Variants in ANKS3 observed in about 807,000 individuals in gnomAD.
ANKS3 encodes ankyrin repeat and sterile alpha motif domain containing 3.
In ANKS3, 62 loss-of-function variants were observed where a neutral mutation model predicts 80.7. The observed-to-expected ratio is 0.77, with a 90% CI of 0.63 to 0.95. The LOEUF (loss-of-function observed/expected upper bound fraction) is 0.95. Ranked by LOEUF, ANKS3 falls within the 40% of genes least tolerant of loss-of-function variation. ANKS3 has a pLI of 0.00. For synonymous variants in ANKS3, 489 were observed against 355.3 expected, an observed-to-expected ratio of 1.38 and a Z score of -4.23; for missense variants, 1,150 against 883.6, an observed-to-expected ratio of 1.30 and a Z score of -3.82.
chr16:4,717,143 G>C (rs531367760), intron 6 of ANKS3, among the ~76,000 whole-genome samples: 3 of 152,230 alleles, frequency 2.0e-5, no homozygotes, highest in East Asian at 1.9e-4. Context: ...TCAGGAAGCT[G>C]AGGAAGGAGA....
chr16:4,708,725 G>A (rs929183489), intron 7 of ANKS3, among the ~76,000 whole-genome samples: 3 of 152,046 alleles, frequency 2.0e-5, no homozygotes, highest in Non-Finnish European at 4.4e-5. Flanking sequence ...ACGAGGTGAG[G>A]AGATCGAGAC....
chr16:4,698,099 G>C, intron 14 of ANKS3, 37 bp from the exon 15 acceptor site: 7 of 1,561,092 alleles, frequency 4.5e-6, no homozygotes, highest in South Asian at 1.2e-5. Context: ...TGAGAGCAGA[G>C]GCCTGGCCGC....
chr16:4,706,415 TTAG>T (rs761246421), intron 7 of ANKS3, among the ~76,000 whole-genome samples: 9 of 151,984 alleles, frequency 5.9e-5, no homozygotes, highest in Non-Finnish European at 1.2e-4. Context: ...TTTTGTATTT[TTAG>T]TAGAGACGGG....
chr16:4,703,168 A>G (rs2080008394), intron 8 of ANKS3, among the ~76,000 whole-genome samples: 1 of 152,206 alleles, frequency 6.6e-6, no homozygotes, highest in South Asian at 2.1e-4. Context: ...ACTGGAATGC[A>G]ATGGCACCAT....
intron 1 of ANKS3, among the ~76,000 whole-genome samples, chr16:4,732,100 A>T (rs2081648700): frequency 6.6e-6 from 1 of 152,180 alleles, no homozygotes; most frequent in South Asian, 2.1e-4. Context: ...GGAGACGAAC[A>T]CTTCACAGAC....
At chr16:4,704,417 G>T (rs1042898843) in intron 8 of ANKS3, among the ~76,000 whole-genome samples, 1 of 152,128 alleles carries the variant, frequency 6.6e-6, no homozygotes, top group African/African-American at 2.4e-5. Flanking sequence ...AGCCATCAAA[G>T]GAAGACATAA....
chr16:4,698,223 G>A, intron 14 of ANKS3, 161 bp from the exon 15 acceptor site: 6 of 1,114,012 alleles, frequency 5.4e-6, no homozygotes, highest in East Asian at 2.7e-5. Flanking sequence ...AGAGCAGGAG[G>A]GCGACCGGTG....
intron 6 of ANKS3, among the ~76,000 whole-genome samples, chr16:4,716,027 G>A (rs771790389): frequency 3.3e-5 from 5 of 151,928 alleles, no homozygotes; most frequent in Non-Finnish European, 7.4e-5. Flanking sequence ...GAGTACCTGC[G>A]GTGACACGGA....
chr16:4,727,539 A>G lies in ANKS3; in HGVS notation c.171-362T>C, dbSNP rs1199914667. On this transcript the variant is annotated intron_variant, in intron 3 of 17. Transcript: ENST00000304283. ...GGGCAGGGAAGGGCTGCTGGAGGCCAAGGCTGCCGCTAAACATCCCACAGT... is the reference window on the plus strand; with the variant it reads ...GGGCAGGGAAGGGCTGCTGGAGGCCGAGGCTGCCGCTAAACATCCCACAGT... The G allele has an allele frequency of 8.6e-6, 3 of 349,006 alleles. No homozygotes were observed. In the East Asian group the frequency reaches 2.1e-4, roughly 25 times the overall value. 21.6% of individuals were successfully genotyped at this position (349,006 alleles called of 1,614,324 possible).
rs1483875017 is a variant in ANKS3, at chr16:4,698,494, G to A, written c.1657C>T (p.Leu553Phe). Residue 553 changes from leucine (L) to phenylalanine (F), a missense_variant, in exon 14 of 18, where the codon CTC becomes TTC. Leu to Phe is a conservative substitution (Grantham distance 22). Coordinates refer to ENST00000304283, the MANE Select transcript of ANKS3 (RefSeq NM_133450.4). Reference sequence around the variant, plus strand: ...CACGTCTCCCGCAGCCGGGCCTGGAGGTCCTCGCGGGCGCGGTCCTGCTCC... The same window carrying A: ...CACGTCTCCCGCAGCCGGGCCTGGAAGTCCTCGCGGGCGCGGTCCTGCTCC... ...LLEQDRARED[L>F]QARLRETWAL... 2.6e-6 allele frequency: 4 copies of A among 1,552,696 alleles called. No individual in the cohort carries two copies. Among genetic ancestry groups the A allele is most frequent in the Admixed American group, 3.7e-5 (2 of 53,458 alleles).
intron 1 of ANKS3, among the ~76,000 whole-genome samples, chr16:4,732,935 C>T (rs917873990): frequency 1.3e-5 from 2 of 151,808 alleles, no homozygotes; most frequent in African/African-American, 2.4e-5. Context: ...TGGATGGAAG[C>T]GGAGATCGTT....
At chr16:4,726,917 T>C (rs2081383300) in intron 4 of ANKS3, 62 bp downstream of exon 4, 1 of 1,608,838 alleles carries the variant, frequency 6.2e-7, no homozygotes, top group Non-Finnish European at 8.5e-7. Context: ...GTGGTTCGCA[T>C]CTCTGTCAGG....
At chr16:4,730,187 G>A (rs761310434) in intron 2 of ANKS3, 36 bp from the exon 3 acceptor site, 2 of 1,451,274 alleles carry the variant, frequency 1.4e-6, no homozygotes, top group Non-Finnish European at 1.8e-6. Flanking sequence ...ATCTTTCCTG[G>A]CTGGTTGTTC....
chr16:4,730,778 G>A (rs916424774), intron 2 of ANKS3, among the ~76,000 whole-genome samples: 2 of 152,114 alleles, frequency 1.3e-5, no homozygotes, highest in African/African-American at 4.8e-5. Context: ...CTTGAACTGA[G>A]GAGGCGGAGG....
chr16:4,733,348 G>T (rs184677077), intron 1 of ANKS3, among the ~76,000 whole-genome samples: 2 of 151,732 alleles, frequency 1.3e-5, no homozygotes, highest in Non-Finnish European at 2.9e-5. Flanking sequence ...CTAGAGTGCA[G>T]CGGCGTGATC....
chr16:4,718,787 G>T (rs890237727), intron 6 of ANKS3, among the ~76,000 whole-genome samples: 4 of 152,198 alleles, frequency 2.6e-5, no homozygotes, highest in African/African-American at 9.6e-5. Flanking sequence ...TTTGATTCTT[G>T]TCAAGTGCTG....
At chr16:4,697,142 T>G (rs755673385) in intron 16 of ANKS3, 38 bp from the exon 17 acceptor site, 1 of 1,604,250 alleles carries the variant, frequency 6.2e-7, no homozygotes, top group South Asian at 1.1e-5. Context: ...CCGGCCAGGC[T>G]CAGGAGGGCT....
intron 3 of ANKS3, chr16:4,727,378 C>T: frequency 3.3e-6 from 2 of 613,656 alleles, no homozygotes; most frequent in Non-Finnish European, 5.8e-6. Flanking sequence ...AGGCCCTGAG[C>T]CTTCGTCTCC....
chr16:4,698,116 G>A (rs1025678527), intron 14 of ANKS3, 54 bp from the exon 15 acceptor site: 3 of 1,525,628 alleles, frequency 2.0e-6, no homozygotes, highest in Non-Finnish European at 1.8e-6. Context: ...CCGCTGCAGA[G>A]CCCCCACCTC....
Sources: allele counts gnomAD v4.1 joint callset (sites outside exome capture counted in the v4.1 genomes callset), GRCh38; gene constraint gnomAD v4.1.1; transcripts MANE v1.5; gene names NCBI Gene and HGNC (gene_info 2026-07-23, HGNC 2026-07-21).